Variants in DNAH1 observed in about 807,000 individuals in gnomAD.
The protein encoded by DNAH1 is axonemal beta dynein heavy chain 1.
Under a neutral mutation model 484.3 loss-of-function variants are expected in DNAH1, and 327 were observed. The ratio of observed to expected loss-of-function variants is 0.68; its 90% CI spans 0.62 to 0.74. The LOEUF is 0.74. Among genes scored for constraint, DNAH1 ranks in the 30% least tolerant of loss-of-function variants. The pLI, the probability that DNAH1 is intolerant of heterozygous loss-of-function variation, is 0.00. For synonymous variants in DNAH1, 2,192 were observed against 2,191.9 expected (o/e 1.00, Z 0.00); for missense variants, 5,052 against 5,546.8 (o/e 0.91, Z 2.83).
intron 45 of DNAH1, 98 bp from the exon 46 acceptor site, chr3:52,375,857 C>A (rs747868026): frequency 2.8e-6 from 4 of 1,411,816 alleles, no homozygotes; most frequent in East Asian, 2.3e-5. Flanking sequence ...GAAAAGCTTA[C>A]CCCAAGATGC....
rs374309979 is a variant in DNAH1, at chr3:52,373,043, C to T, written c.6975C>T (p.Arg2325=). 85 of 1,611,676 alleles carry T rather than the reference C, an allele frequency of 5.3e-5. No homozygotes were observed. Among genetic ancestry groups the T allele is most frequent in the Non-Finnish European group, 7.0e-5 (82 of 1,179,248 alleles). ...QWMDHGGWYD[R]KIIGAFKNLV... The stretch of plus-strand genomic sequence containing the variant: ...TGGACCACGGCGGCTGGTACGACCG[C>T]AAGATCATTGGTGAGTGTGGCCGGC... The change falls in exon 44 of 78, where the codon CGC becomes CGT. Residue 2325 remains arginine, a synonymous_variant. Coordinates refer to ENST00000420323, the MANE Select transcript of DNAH1 (RefSeq NM_015512.5).
intron 8 of DNAH1, among the ~76,000 whole-genome samples, chr3:52,343,453 G>T (rs556388615): frequency 6.6e-6 from 1 of 152,244 alleles, no homozygotes; most frequent in South Asian, 2.1e-4. Context: ...AGTTCCGGAT[G>T]AAATTCGAGG....
chr3:52,374,258 G>A (rs1364717904), intron 44 of DNAH1: 1 of 1,495,620 alleles, frequency 6.7e-7, no homozygotes, highest in African/African-American at 1.4e-5. Flanking sequence ...TATAATTAAT[G>A]GATTTGCCTT....
intron 27 of DNAH1, 92 bp from the exon 28 acceptor site, chr3:52,360,219 C>T: frequency 6.7e-7 from 1 of 1,492,840 alleles, no homozygotes; most frequent in Non-Finnish European, 9.2e-7. Flanking sequence ...TTAATGCCCT[C>T]ATTCCCAAAA....
In DNAH1 at chr3:52,400,450, C is replaced by G. The variant is rs772999429; in HGVS notation, c.*4C>G. 17 of 1,613,810 alleles carry G rather than the reference C, an allele frequency of 1.1e-5. No individual in the cohort carries two copies. Among genetic ancestry groups the G allele is most frequent in the Admixed American group, 3.3e-5 (2 of 60,002 alleles). ...CATCTGTGCCCTGGACTACTAGACT[C>G]AGACAGAAGGGCTGGGGCCATTAAA... On this transcript the variant is annotated 3_prime_UTR_variant, in exon 78 of 78. Coordinates refer to ENST00000420323, the MANE Select transcript of DNAH1 (RefSeq NM_015512.5).
In DNAH1 at chr3:52,397,769, T is replaced by C. The variant is rs1704700815; in HGVS notation, c.11850T>C (p.His3950=). 1.2e-6 allele frequency: 2 copies of C among 1,613,768 alleles called. No homozygotes were observed. The highest frequency in any genetic ancestry group is 1.7e-6 in the Non-Finnish European group (2 of 1,179,798). Reference sequence around the variant, plus strand: ...ATATGCCTGAGATCTTTGGCCTGCATGACAATGCCAACATCACCTTTGCCC... The same window carrying C: ...ATATGCCTGAGATCTTTGGCCTGCACGACAATGCCAACATCACCTTTGCCC... ...LNDMPEIFGL[H]DNANITFAQN... The change falls in exon 74 of 78, where the codon CAT becomes CAC. Residue 3950 remains histidine (H), a synonymous_variant. Transcript: ENST00000420323.
rs778924881 is a variant in DNAH1 at position 52,372,039 on chromosome 3, G to A, written c.6619G>A (p.Val2207Met). The A allele has an allele frequency of 4.3e-6, 7 of 1,613,758 alleles. No individual in the cohort carries two copies. Among genetic ancestry groups the A allele is most frequent in the East Asian group, 2.2e-5 (1 of 44,872 alleles). Residue 2207 changes from valine (V) to methionine (M), a missense_variant, in exon 42 of 78, where the codon GTG (valine) becomes ATG (methionine). By Grantham distance (21) the Val-to-Met change is conservative (BLOSUM62 1). This residue lies in a region of DNAH1 where 2,929 missense variants were observed against 3,409.4 expected (regional missense o/e 0.86). Coordinates refer to ENST00000420323, the MANE Select transcript of DNAH1 (RefSeq NM_015512.5). ...CATCATTGTGCCCACCATGGACACC[G>A]TGCAGATGTCCCATTTACTGGACAT... ...CNIIVPTMDT[V>M]QMSHLLDMLL...
At chr3:52,370,441 C>T in intron 39 of DNAH1, 36 bp from the exon 40 acceptor site, 2 of 1,613,404 alleles carry the variant, frequency 1.2e-6, no homozygotes, top group Non-Finnish European at 1.7e-6. Flanking sequence ...TGATACTGTT[C>T]CTGTCTCAGC....
chr3:52,394,609 G>T lies in DNAH1; in HGVS notation c.10771G>T (p.Val3591Leu). The T allele has an allele frequency of 2.5e-6, 4 of 1,602,006 alleles. No homozygotes were observed. Among genetic ancestry groups the T allele is most frequent in the Non-Finnish European group, 3.4e-6 (4 of 1,172,278 alleles). Residue 3591 changes from valine (V) to leucine (L), a missense_variant, in exon 67 of 78, where the codon GTG (valine) becomes TTG (leucine). Transcript: ENST00000420323. ...CTTTTCCTCCTTCTCTTCCGACTTCGTGAAGCACCTCTCAGAATTCCGGGT... is the reference window on the plus strand; with the variant it reads ...CTTTTCCTCCTTCTCTTCCGACTTCTTGAAGCACCTCTCAGAATTCCGGGT... ...PTFSSFSSDF[V>L]KHLSEFRVIF...
In DNAH1 at chr3:52,358,527, G is replaced by A. The variant is rs1483984101; in HGVS notation, c.4087-31G>A. On this transcript the variant is annotated intron_variant, in intron 24 of 77. Coordinates refer to ENST00000420323, the MANE Select transcript of DNAH1 (RefSeq NM_015512.5). The surrounding 1 kb of genome is among the most constrained non-coding windows in gnomAD (Gnocchi z 4.2). ...CCAGGGCATCTGGGCACACCAGGGT[G>A]ACCCCACTCCTGCTCCTCCACTGCT... 6.4e-7 allele frequency: 1 copy of A among 1,574,530 alleles called. No individual in the cohort carries two copies. The highest frequency in any genetic ancestry group is 1.8e-5 in the Admixed American group (1 of 54,398).
In DNAH1 at chr3:52,395,618, C is replaced by A; in HGVS notation, c.11199C>A (p.His3733Gln). The change falls in exon 70 of 78, where the codon CAC becomes CAA. Residue 3733 changes from histidine (H) to glutamine (Q), a missense_variant. By Grantham distance (24) the His-to-Gln change is conservative. This residue lies in a region of DNAH1 where 853 missense variants were observed against 899.0 expected (regional missense o/e 0.95). Transcript: ENST00000420323. The surrounding 1 kb of genome is among the most constrained non-coding windows in gnomAD (Gnocchi z 4.4). Reference protein sequence around the residue: ...RGKWVFFQNCHLAPSWMPALE... With the variant: ...RGKWVFFQNCQLAPSWMPALE... The stretch of plus-strand genomic sequence containing the variant: ...AATGGGTCTTCTTCCAGAACTGCCA[C>A]CTGGCACCAAGCTGGATGCCAGCCC... 1 of 1,613,900 alleles carries A rather than the reference C, an allele frequency of 6.2e-7. No individual in the cohort carries two copies. The highest frequency in any genetic ancestry group is 8.5e-7 in the Non-Finnish European group (1 of 1,179,904).
intron 26 of DNAH1, 136 bp downstream of exon 26, chr3:52,359,522 C>T: frequency 8.1e-7 from 1 of 1,241,052 alleles, no homozygotes; most frequent in Non-Finnish European, 1.1e-6. Flanking sequence ...AGGTCAGACA[C>T]CCTTGAAGTG....
chr3:52,377,752 T>A (rs528155640), intron 46 of DNAH1, among the ~76,000 whole-genome samples: 135 of 97,284 alleles, frequency 1.4e-3, no homozygotes, highest in African/African-American at 6.4e-3. Flanking sequence ...CTTCTCTGCT[T>A]GACCCCCCTT....
chr3:52,355,086 G>T lies in DNAH1; in HGVS notation c.3693+31G>T, dbSNP rs768594365. The T allele has an allele frequency of 1.2e-6, 2 of 1,602,856 alleles. No homozygotes were observed. The highest frequency in any genetic ancestry group is 1.7e-6 in the Non-Finnish European group (2 of 1,173,662). On this transcript the variant is annotated intron_variant, in intron 21 of 77. Transcript: ENST00000420323. This position sits in a 1 kb window ranked among gnomAD's most constrained non-coding sequence, Gnocchi z 4.5. Reference sequence around the variant, plus strand: ...CCCTCCCCCCAGTCCTTCCCTCATCGCTCCCCCACTTCAGAGAGCCCGACC... The same window carrying T: ...CCCTCCCCCCAGTCCTTCCCTCATCTCTCCCCCACTTCAGAGAGCCCGACC...
In DNAH1 at chr3:52,362,561, G is replaced by A. The variant is rs143342635; in HGVS notation, c.5094+60G>A. The A allele has an allele frequency of 5.6e-3, 8,019 of 1,435,868 alleles. 66 individuals carry two copies. Among genetic ancestry groups the A allele is most frequent in the South Asian group, 0.023 (1,953 of 83,424 alleles). The allele number at this position is 1,435,868 out of a possible 1,614,324, so 88.9% of individuals were successfully genotyped here. ...AGAGCTCTAGCCTGAGTTCAGAGATGCTAAGCCACTTATGCAAGGACACAG... is the reference window on the plus strand; with the variant it reads ...AGAGCTCTAGCCTGAGTTCAGAGATACTAAGCCACTTATGCAAGGACACAG... On this transcript the variant is annotated intron_variant, in intron 31 of 77. Coordinates refer to ENST00000420323, the MANE Select transcript of DNAH1 (RefSeq NM_015512.5). The surrounding 1 kb of genome is among the most constrained non-coding windows in gnomAD (Gnocchi z 5.1).
At position 52,353,141 on chromosome 3, in the gene DNAH1, C is replaced by A. The variant is rs1300455834; in HGVS notation, c.3066C>A (p.Pro1022=). The change falls in exon 19 of 78, where the codon CCC becomes CCA. Residue 1022 remains proline, a synonymous_variant. Transcript: ENST00000420323. This position sits in a 1 kb window ranked among gnomAD's most constrained non-coding sequence, Gnocchi z 5.0. ...KLSRMVKEFQ[P]YLDLWTTASD... ...CCAGGATGGTGAAGGAGTTCCAACC[C>A]TACCTGGACCTTTGGACCACAGCGT... The A allele has an allele frequency of 6.2e-7, 1 of 1,613,908 alleles. No individual in the cohort carries two copies. Among genetic ancestry groups the A allele is most frequent in the Admixed American group, 1.7e-5 (1 of 60,020 alleles).
chr3:52,384,054 G>C (rs1184474363), intron 52 of DNAH1, 23 bp downstream of exon 52: 8 of 1,562,944 alleles, frequency 5.1e-6, no homozygotes, highest in Non-Finnish European at 6.9e-6. Context: ...CTGAAGCTCA[G>C]GCCCTTGGGG....
rs1358212066 is a variant in DNAH1 at position 52,384,036 on chromosome 3, G to A, written c.8322+5G>A. ...CAGGAAGAAATCCAAGGACTGGTGG[G>A]TGTCTTGCTGAAGCTCAGGCCCTTG... On this transcript the variant is annotated splice_donor_5th_base_variant and intron_variant, in intron 52 of 77. Transcript: ENST00000420323. 6.3e-7 allele frequency: 1 copy of A among 1,593,874 alleles called. No homozygotes were observed. Among genetic ancestry groups the A allele is most frequent in the Non-Finnish European group, 8.6e-7 (1 of 1,168,444 alleles).
At chr3:52,323,055 A>T (rs1701207702) in intron 2 of DNAH1, among the ~76,000 whole-genome samples, 1 of 152,180 alleles carries the variant, frequency 6.6e-6, no homozygotes, top group Non-Finnish European at 1.5e-5. Flanking sequence ...TGCAGCAGGG[A>T]TGAGACGCCC....
Sources: allele counts gnomAD v4.1 joint callset (sites outside exome capture counted in the v4.1 genomes callset), GRCh38; gene constraint gnomAD v4.1.1; regional missense constraint gnomAD v4.1.1; non-coding constraint Gnocchi (gnomAD v3.1); transcripts MANE v1.5; gene names NCBI Gene and HGNC (gene_info 2026-07-23, HGNC 2026-07-21).